The following SYT1 variants were observed in gnomAD, a reference collection of about 807,000 sequenced individuals.
SYT1 encodes the protein synaptotagmin-1.
In SYT1, 8 loss-of-function variants were observed where a neutral mutation model predicts 44.8. That is an observed-to-expected ratio of 0.18 (90% CI 0.10 to 0.32). SYT1 has a LOEUF of 0.32. Among genes scored for constraint, SYT1 ranks in the 10% least tolerant of loss-of-function variants. The pLI is 1.00. For synonymous variants in SYT1, 154 were observed against 188.8 expected, an observed-to-expected ratio of 0.82 and a Z score of 1.51; for missense variants, 286 against 509.3, an observed-to-expected ratio of 0.56 and a Z score of 4.22.
intron 5 of SYT1, 62 bp downstream of exon 5, chr12:79,286,033 T>G: frequency 7.2e-6 from 11 of 1,518,026 alleles, no homozygotes; most frequent in Non-Finnish European, 9.7e-6. Context: ...AATGTATTAT[T>G]TTATGCCATA....
intron 1 of SYT1, among the ~76,000 whole-genome samples, chr12:78,946,580 G>T (rs140078737): frequency 1.3e-5 from 2 of 151,834 alleles, no homozygotes; most frequent in African/African-American, 4.8e-5. Context: ...ATTTGAACCC[G>T]GGAGGCAGAG....
intron 1 of SYT1, among the ~76,000 whole-genome samples, chr12:78,890,684 A>G (rs185273421): frequency 1.3e-5 from 2 of 150,942 alleles, no homozygotes; most frequent in Non-Finnish European, 1.5e-5. Context: ...TCATTCTCCA[A>G]CTCCCTCATC....
At chr12:78,983,689 T>C (rs1869434070) in intron 2 of SYT1, among the ~76,000 whole-genome samples, 1 of 151,964 alleles carries the variant, frequency 6.6e-6, no homozygotes, top group Non-Finnish European at 1.5e-5. Context: ...ATCTTGAAAA[T>C]GCAATAGGTT....
At chr12:79,364,593 A>G (rs553815622) in intron 9 of SYT1, among the ~76,000 whole-genome samples, 74 of 152,310 alleles carry the variant, frequency 4.9e-4, no homozygotes, top group Non-Finnish European at 8.7e-4. Context: ...TTTTTCTTTC[A>G]GAAATAAATG....
intron 3 of SYT1, among the ~76,000 whole-genome samples, chr12:79,140,195 T>C (rs1184658311): frequency 6.6e-6 from 1 of 152,188 alleles, no homozygotes; most frequent in African/African-American, 2.4e-5. Flanking sequence ...AATAACCATA[T>C]AATATTCCAG....
At chr12:79,061,825 A>C (rs1327474411) in intron 3 of SYT1, among the ~76,000 whole-genome samples, 1 of 152,098 alleles carries the variant, frequency 6.6e-6, no homozygotes, top group Non-Finnish European at 1.5e-5. Context: ...CTGTAATGAG[A>C]TCATGAAGGT....
chr12:78,910,971 T>C (rs1413308636), intron 1 of SYT1, among the ~76,000 whole-genome samples: 3 of 152,002 alleles, frequency 2.0e-5, no homozygotes, highest in African/African-American at 7.2e-5. Context: ...AAGATCAAAG[T>C]AGACATAGCC....
chr12:79,149,417 C>T (rs1016551689), intron 3 of SYT1, among the ~76,000 whole-genome samples: 7 of 152,106 alleles, frequency 4.6e-5, no homozygotes, highest in African/African-American at 1.7e-4. Flanking sequence ...ATTTATTAAT[C>T]TGCAAGTTCT....
chr12:79,276,478 C>T (rs1054866733), intron 4 of SYT1, among the ~76,000 whole-genome samples: 1 of 151,816 alleles, frequency 6.6e-6, no homozygotes, highest in African/African-American at 2.4e-5. Flanking sequence ...GAGATCGAGA[C>T]CATCCTGGCC....
intron 2 of SYT1, among the ~76,000 whole-genome samples, chr12:79,004,062 A>G (rs951371187): frequency 4.6e-5 from 7 of 151,900 alleles, no homozygotes; most frequent in Non-Finnish European, 8.8e-5. Flanking sequence ...CCTTTTTAAA[A>G]ATCTAATACT....
intron 9 of SYT1, among the ~76,000 whole-genome samples, chr12:79,403,398 T>C (rs187425302): frequency 9.4e-4 from 143 of 152,298 alleles, no homozygotes; most frequent in Middle Eastern, 3.4e-3. Flanking sequence ...ATACTTGATG[T>C]TCAGTCCAAA....
intron 1 of SYT1, among the ~76,000 whole-genome samples, chr12:78,876,105 A>AT (rs551113835): frequency 1.4e-3 from 219 of 151,740 alleles, no homozygotes; most frequent in Middle Eastern, 6.8e-3. Flanking sequence ...TCTAATTTAG[A>AT]TTTTGAAACA....
intron 3 of SYT1, among the ~76,000 whole-genome samples, chr12:79,119,563 C>T (rs1879481911): frequency 6.6e-6 from 1 of 152,114 alleles, no homozygotes; most frequent in Non-Finnish European, 1.5e-5. Flanking sequence ...CTCCTCCTCA[C>T]CCTTTAAGAT....
intron 3 of SYT1, among the ~76,000 whole-genome samples, chr12:79,050,683 C>T (rs772481875): frequency 1.4e-4 from 22 of 151,958 alleles, no homozygotes; most frequent in Non-Finnish European, 3.2e-4. Context: ...CCTGAAAAAA[C>T]AAATATAGCA....
intron 2 of SYT1, among the ~76,000 whole-genome samples, chr12:79,026,019 T>G (rs1872509041): frequency 6.6e-6 from 1 of 151,724 alleles, no homozygotes; most frequent in African/African-American, 2.4e-5. Flanking sequence ...GAAATGCAAA[T>G]GCCTTTGGCA....
At chr12:79,137,217 T>C (rs1402639187) in intron 3 of SYT1, among the ~76,000 whole-genome samples, 1 of 152,078 alleles carries the variant, frequency 6.6e-6, no homozygotes, top group Non-Finnish European at 1.5e-5. Flanking sequence ...TGTCTCAGCC[T>C]TCCGAGTAGC....
chr12:78,945,200 TAAGTA>T (rs1878586370), intron 1 of SYT1, among the ~76,000 whole-genome samples: 2 of 151,546 alleles, frequency 1.3e-5, no homozygotes, highest in Admixed American at 1.3e-4. Context: ...TCAGAATAAA[TAAGTA>T]ATTATTTCAT....
chr12:79,397,602 C>T (rs1884921890), intron 9 of SYT1, among the ~76,000 whole-genome samples: 1 of 152,064 alleles, frequency 6.6e-6, no homozygotes, highest in African/African-American at 2.4e-5. Flanking sequence ...TGGAAGTTGG[C>T]CTGAAGAAGG....
intron 1 of SYT1, among the ~76,000 whole-genome samples, chr12:78,940,822 A>G (rs1460183226): frequency 6.6e-6 from 1 of 152,158 alleles, no homozygotes; most frequent in African/African-American, 2.4e-5. Flanking sequence ...CATTTTGTAA[A>G]TCAGTAGAAT....
Sources: allele counts gnomAD v4.1 joint callset (sites outside exome capture counted in the v4.1 genomes callset), GRCh38; gene constraint gnomAD v4.1.1; transcripts MANE v1.5; gene names NCBI Gene and HGNC (gene_info 2026-07-23, HGNC 2026-07-21).